Variants in GALNT17 observed in about 807,000 individuals in gnomAD.
GALNT17 encodes polypeptide N-acetylgalactosaminyltransferase 17.
A neutral mutation model predicts 63.7 loss-of-function variants in GALNT17; 29 were observed. That is an observed-to-expected ratio of 0.46 (90% confidence interval 0.34 to 0.62). GALNT17 has a LOEUF of 0.62. GALNT17 is among the 20% of genes least tolerant of loss of function. GALNT17 has a pLI of 0.01. For synonymous variants in GALNT17, 305 were observed against 318.3 expected, an observed-to-expected ratio of 0.96 and a Z score of 0.45; for missense variants, 603 against 799.6, an observed-to-expected ratio of 0.75 and a Z score of 2.97.
At chr7:71,503,662 C>T (rs1026679397) in intron 5 of GALNT17, among the ~76,000 whole-genome samples, 31 of 152,304 alleles carry the variant, frequency 2.0e-4, no homozygotes, top group African/African-American at 7.5e-4. Context: ...CTCTTTCTAC[C>T]TGGTCTGCCT....
chr7:71,561,354 A>G (rs1199992171), intron 5 of GALNT17, among the ~76,000 whole-genome samples: 1 of 152,164 alleles, frequency 6.6e-6, no homozygotes, highest in Admixed American at 6.5e-5. Context: ...TGATTGCCAA[A>G]GAAGTTGGCG....
intron 1 of GALNT17, among the ~76,000 whole-genome samples, chr7:71,318,738 CT>C: frequency 6.6e-6 from 1 of 152,208 alleles, no homozygotes; most frequent in Admixed American, 6.5e-5. Flanking sequence ...CCCTGCAGCT[CT>C]TTGGAGATGG....
chr7:71,420,798 T>A, intron 4 of GALNT17, 110 bp from the exon 5 acceptor site: 1 of 1,346,252 alleles, frequency 7.4e-7, no homozygotes, highest in Non-Finnish European at 1.0e-6. Context: ...AGTTCCAGCC[T>A]TCCCAAAGCC....
intron 5 of GALNT17, among the ~76,000 whole-genome samples, chr7:71,532,295 T>C (rs1788733847): frequency 6.6e-6 from 1 of 152,064 alleles, no homozygotes; most frequent in East Asian, 1.9e-4. Context: ...AATCAGAATA[T>C]ATAATCAGGC....
chr7:71,584,775 A>T (rs1268068809), intron 6 of GALNT17, among the ~76,000 whole-genome samples: 10 of 148,180 alleles, frequency 6.7e-5, no homozygotes, highest in South Asian at 4.2e-4. Flanking sequence ...TATTTATTTA[A>T]TTTATTTATT....
At chr7:71,329,550 C>G (rs1182826644) in intron 1 of GALNT17, among the ~76,000 whole-genome samples, 1 of 152,026 alleles carries the variant, frequency 6.6e-6, no homozygotes, top group Non-Finnish European at 1.5e-5. Context: ...TCCCTCACTT[C>G]CGCAGGCTGT....
At chr7:71,226,804 G>A (rs1392170724) in intron 1 of GALNT17, among the ~76,000 whole-genome samples, 5 of 152,130 alleles carry the variant, frequency 3.3e-5, no homozygotes, top group Non-Finnish European at 2.9e-5. Context: ...CAAAGCAGTG[G>A]AGTCACAGAG....
Position 71,674,351 on chromosome 7 carries a change from A to T in GALNT17, c.1405-2860A>T, listed in dbSNP as rs55941155. ...ATTTTTAAATAGCTCTTCCTTTTTAAAAAAAAAAAAAAGAGATAGGGTCTT... is the reference window on the plus strand; with the variant it reads ...ATTTTTAAATAGCTCTTCCTTTTTATAAAAAAAAAAAAGAGATAGGGTCTT... On this transcript the variant is annotated intron_variant, in intron 8 of 10. Coordinates refer to ENST00000333538, the MANE Select transcript of GALNT17 (RefSeq NM_022479.3). 2.2e-4 allele frequency among the ~76,000 whole-genome samples: 32 copies of T among 147,698 alleles called. No homozygotes were observed. In the East Asian group the frequency reaches 2.9e-3, roughly 13 times the overall value.
chr7:71,636,800 C>T (rs1349590412), intron 6 of GALNT17, among the ~76,000 whole-genome samples: 1 of 152,166 alleles, frequency 6.6e-6, no homozygotes, highest in East Asian at 1.9e-4. Flanking sequence ...TGGTTCAATC[C>T]CAGGTTGTGG....
At chr7:71,471,285 C>A (rs1169702835) in intron 5 of GALNT17, among the ~76,000 whole-genome samples, 1 of 151,364 alleles carries the variant, frequency 6.6e-6, no homozygotes, top group Non-Finnish European at 1.5e-5. Flanking sequence ...CCATGTTGCC[C>A]AGGCTGGTCT....
At chr7:71,670,140 G>A in intron 8 of GALNT17, 31 bp downstream of exon 8, 1 of 1,613,626 alleles carries the variant, frequency 6.2e-7, no homozygotes, top group South Asian at 1.1e-5. Flanking sequence ...TTTTGGCTTG[G>A]AATGCTGTTC....
chr7:71,204,018 T>A (rs1234117168), intron 1 of GALNT17, among the ~76,000 whole-genome samples: 4 of 140,826 alleles, frequency 2.8e-5, no homozygotes, highest in African/African-American at 1.1e-4. Context: ...TGTTTTGTTC[T>A]AGTAGTTTAA....
chr7:71,434,388 G>A (rs528967746), intron 5 of GALNT17, among the ~76,000 whole-genome samples: 17 of 152,276 alleles, frequency 1.1e-4, no homozygotes, highest in African/African-American at 2.6e-4. Context: ...CCTGGGCCTG[G>A]TAGAGAATCC....
intron 1 of GALNT17, among the ~76,000 whole-genome samples, chr7:71,236,551 A>G (rs1247044714): frequency 1.3e-5 from 2 of 152,100 alleles, no homozygotes; most frequent in African/African-American, 4.8e-5. Context: ...TTTCTATAAG[A>G]TGGGGAATAC....
chr7:71,202,883 C>T (rs1429419015), intron 1 of GALNT17, among the ~76,000 whole-genome samples: 1 of 152,174 alleles, frequency 6.6e-6, no homozygotes, highest in Non-Finnish European at 1.5e-5. Flanking sequence ...ACTTTCTGTA[C>T]CTACTGTTTT....
chr7:71,481,674 G>C (rs576428279), intron 5 of GALNT17, among the ~76,000 whole-genome samples: 1 of 152,238 alleles, frequency 6.6e-6, no homozygotes, highest in Admixed American at 6.5e-5. Context: ...GGCTGGGCCT[G>C]CTGCAACTCC....
chr7:71,408,062 A>G (rs185616383), intron 3 of GALNT17, among the ~76,000 whole-genome samples: 16 of 152,270 alleles, frequency 1.1e-4, no homozygotes, highest in Non-Finnish European at 2.1e-4. Context: ...CATTTTAAAC[A>G]TGGTAAAAAC....
At position 71,569,118 on chromosome 7, in the gene GALNT17, C is replaced by G. The variant is rs147862829; in HGVS notation, c.963-2167C>G. ...TCCCGAGTAGCTGAGACTAAAGGCA[C>G]GCACTACAATGCCTGGCTAATTTTT... On this transcript the variant is annotated intron_variant, in intron 5 of 10. Coordinates refer to ENST00000333538, the MANE Select transcript of GALNT17 (RefSeq NM_022479.3). Among the ~76,000 whole-genome samples, 252 of 152,184 alleles carry G rather than the reference C, an allele frequency of 1.7e-3. 3 individuals carry two copies. Among genetic ancestry groups the G allele is most frequent in the African/African-American group, 5.9e-3 (244 of 41,540 alleles).
At chr7:71,451,510 C>G (rs1254728531) in intron 5 of GALNT17, among the ~76,000 whole-genome samples, 1 of 152,048 alleles carries the variant, frequency 6.6e-6, no homozygotes, top group Non-Finnish European at 1.5e-5. Context: ...ATCCTTTCGA[C>G]GAACTAACTC....
Sources: gnomAD v4.1 joint callset for allele counts (sites outside exome capture counted in the v4.1 genomes callset) on GRCh38, gnomAD v4.1.1 for gene constraint, MANE v1.5 for transcripts, NCBI Gene and HGNC (gene_info 2026-07-23, HGNC 2026-07-21) for gene names.